Variants in CSMD1 observed in about 807,000 individuals in gnomAD.
The protein encoded by CSMD1 is CUB and Sushi multiple domains 1, also known as CUB and sushi domain-containing protein 1.
In CSMD1, 213 loss-of-function variants were observed where a neutral mutation model predicts 417.5. The observed-to-expected ratio is 0.51, with a 90% CI of 0.46 to 0.57. CSMD1 has a LOEUF of 0.57. CSMD1 is among the 20% of genes least tolerant of loss of function. CSMD1 has a pLI of 0.00. For synonymous variants in CSMD1, 2,862 were observed against 1,736.8 expected (o/e 1.65, Z -16.11); for missense variants, 6,923 against 4,529.7 (o/e 1.53, Z -15.17).
chr8:3,673,525 A>T (rs80129182), intron 7 of CSMD1, among the ~76,000 whole-genome samples: 1 of 152,202 alleles, frequency 6.6e-6, no homozygotes, highest in Non-Finnish European at 1.5e-5. Context: ...TACAGGAGAA[A>T]GTGTTTGCAT....
intron 9 of CSMD1, among the ~76,000 whole-genome samples, chr8:3,581,977 C>A (rs539199885): frequency 6.6e-6 from 1 of 152,190 alleles, no homozygotes; most frequent in Admixed American, 6.5e-5. Context: ...GCTAACTCTG[C>A]AGAGACAGAG....
chr8:3,581,698 A>C (rs1800389969), intron 9 of CSMD1, among the ~76,000 whole-genome samples: 1 of 152,222 alleles, frequency 6.6e-6, no homozygotes. Flanking sequence ...ATTGCATTTC[A>C]TAGACGGTTG....
chr8:3,201,592 C>A lies in CSMD1; in HGVS notation c.5098+20G>T. The stretch of plus-strand genomic sequence containing the variant: ...CTAGCTGTCTGAACTAAATTAAGGG[C>A]AAAATTCTTTAAGACTTACCTGAGT... On this transcript the variant is annotated intron_variant, in intron 32 of 69. Coordinates refer to ENST00000635120, the MANE Select transcript of CSMD1 (RefSeq NM_033225.6). 2.7e-6 allele frequency: 4 copies of A among 1,485,466 alleles called. No individual in the cohort carries two copies. Among genetic ancestry groups the A allele is most frequent in the Non-Finnish European group, 3.7e-6 (4 of 1,081,934 alleles). The allele number at this position is 1,485,466 out of a possible 1,614,324, so 92.0% of individuals were successfully genotyped here. A position where few individuals can be genotyped will look rare whatever the true frequency, so the allele number is the denominator to read the frequency against.
At chr8:4,942,990 G>C (rs1221613151) in intron 1 of CSMD1, among the ~76,000 whole-genome samples, 1 of 152,136 alleles carries the variant, frequency 6.6e-6, no homozygotes, top group Non-Finnish European at 1.5e-5. Flanking sequence ...AGAAAGTCAG[G>C]CGCTCTCAGG....
chr8:4,084,270 A>T (rs1422010588), intron 3 of CSMD1, among the ~76,000 whole-genome samples: 1 of 152,070 alleles, frequency 6.6e-6, no homozygotes, highest in African/African-American at 2.4e-5. Flanking sequence ...GAAAAGACAA[A>T]AATTGGAAAA....
intron 7 of CSMD1, among the ~76,000 whole-genome samples, chr8:3,645,034 C>G (rs1005640335): frequency 6.7e-6 from 1 of 148,170 alleles, no homozygotes; most frequent in African/African-American, 2.6e-5. Context: ...TTTCTGTCCT[C>G]TACTCCTCAT....
intron 1 of CSMD1, among the ~76,000 whole-genome samples, chr8:4,721,454 T>C (rs1253385307): frequency 6.6e-6 from 1 of 152,148 alleles, no homozygotes; most frequent in Non-Finnish European, 1.5e-5. Flanking sequence ...ATACAAACTA[T>C]TCTGGAAGAT....
At chr8:4,348,669 G>C (rs573564482) in intron 3 of CSMD1, among the ~76,000 whole-genome samples, 14 of 150,282 alleles carry the variant, frequency 9.3e-5, no homozygotes, top group African/African-American at 3.2e-4. Context: ...GAGAGAGAGA[G>C]ACTCTTTTGC....
intron 1 of CSMD1, among the ~76,000 whole-genome samples, chr8:4,800,421 A>C (rs1450395996): frequency 1.3e-5 from 2 of 150,080 alleles, no homozygotes; most frequent in Non-Finnish European, 3.0e-5. Context: ...CTGGGTGACA[A>C]GAGCAAGACT....
chr8:3,605,260 G>C (rs1801555548), intron 8 of CSMD1, among the ~76,000 whole-genome samples: 2 of 152,272 alleles, frequency 1.3e-5, no homozygotes, highest in Admixed American at 1.3e-4. Context: ...ACAGTGCTGG[G>C]TTTACAGGCG....
At chr8:3,434,756 G>T (rs888714411) in intron 12 of CSMD1, among the ~76,000 whole-genome samples, 3 of 152,130 alleles carry the variant, frequency 2.0e-5, no homozygotes, top group Non-Finnish European at 4.4e-5. Context: ...TAGCTTGTCT[G>T]CTCCCATCTT....
intron 5 of CSMD1, among the ~76,000 whole-genome samples, chr8:3,898,361 AT>A (rs1807505932): frequency 9.0e-6 from 1 of 111,232 alleles, no homozygotes; most frequent in Non-Finnish European, 2.2e-5. Context: ...TCTCTGTTAT[AT>A]GGCATGATCT....
At chr8:4,881,232 C>A (rs868613435) in intron 1 of CSMD1, among the ~76,000 whole-genome samples, 10 of 152,262 alleles carry the variant, frequency 6.6e-5, no homozygotes, top group Middle Eastern at 3.4e-3. Flanking sequence ...TCTAGTACTT[C>A]TCACTGAGTT....
intron 48 of CSMD1, 115 bp downstream of exon 48, chr8:3,091,401 T>A: frequency 1.4e-6 from 1 of 706,432 alleles, no homozygotes; most frequent in Non-Finnish European, 2.1e-6. Context: ...TGTAGTTAAT[T>A]ATTAATCTTT....
At position 4,307,249 on chromosome 8, in the gene CSMD1, C is replaced by T. The variant is rs150343669; in HGVS notation, c.415+112704G>A. On this transcript the variant is annotated intron_variant, in intron 3 of 69. Coordinates refer to ENST00000635120, the MANE Select transcript of CSMD1 (RefSeq NM_033225.6). The stretch of plus-strand genomic sequence containing the variant: ...AGCTCATTTGTGAGTCTAACATATG[C>T]TAATCATGCACAGAGGGCTGTTGAT... 2.2e-3 allele frequency among the ~76,000 whole-genome samples: 342 copies of T among 152,168 alleles called. 8 individuals are homozygous for T. In the East Asian group the frequency reaches 0.048, roughly 22 times the overall value.
At chr8:4,875,489 T>C (rs183803934) in intron 1 of CSMD1, among the ~76,000 whole-genome samples, 49 of 152,170 alleles carry the variant, frequency 3.2e-4, no homozygotes, top group Admixed American at 1.3e-3. Context: ...AGCGTCTCAC[T>C]TGAGCAACTC....
intron 5 of CSMD1, among the ~76,000 whole-genome samples, chr8:3,985,228 T>C (rs1334510505): frequency 6.6e-6 from 1 of 152,196 alleles, no homozygotes; most frequent in Non-Finnish European, 1.5e-5. Context: ...CATTGACGGG[T>C]TATAAATTGA....
At chr8:4,744,678 G>C (rs561209325) in intron 1 of CSMD1, among the ~76,000 whole-genome samples, 1 of 152,054 alleles carries the variant, frequency 6.6e-6, no homozygotes, top group South Asian at 2.1e-4. Flanking sequence ...TCTGGACCTT[G>C]TCAGATATTA....
At position 3,290,207 on chromosome 8, in the gene CSMD1, C is replaced by T. The variant is rs183471990; in HGVS notation, c.3951-5861G>A. ...CTCTATCTCTGTTTTGGTACCAGTA[C>T]CATGCTGTTTTGGTTACTGTAGCCT... On this transcript the variant is annotated intron_variant, in intron 25 of 69. Coordinates refer to ENST00000635120, the MANE Select transcript of CSMD1 (RefSeq NM_033225.6). 3.3e-3 allele frequency among the ~76,000 whole-genome samples: 483 copies of T among 147,274 alleles called. 84 individuals carry two copies. Among genetic ancestry groups the T allele is most frequent in the African/African-American group, 0.013 (467 of 37,080 alleles).
Sources: gnomAD v4.1 joint callset for allele counts (sites outside exome capture counted in the v4.1 genomes callset) on GRCh38, gnomAD v4.1.1 for gene constraint, MANE v1.5 for transcripts, NCBI Gene and HGNC (gene_info 2026-07-23, HGNC 2026-07-21) for gene names.